The following C10orf88 variants were observed in gnomAD, a reference collection of about 807,000 sequenced individuals.
The protein encoded by C10orf88 is ATPase PAAT.
C10orf88 carries 29 observed loss-of-function variants against 34.2 expected under a neutral mutation model. The ratio of observed to expected loss-of-function variants is 0.85; its 90% confidence interval spans 0.63 to 1.16. The LOEUF (loss-of-function observed/expected upper bound fraction) is 1.16, where lower values mean the gene tolerates loss of function less well. Ranked by LOEUF, C10orf88 falls within the 50% of genes most tolerant of loss-of-function variation. The pLI is 0.00. For synonymous variants in C10orf88, 194 were observed against 197.4 expected (o/e 0.98, Z 0.15); for missense variants, 507 against 533.2 (o/e 0.95, Z 0.48).
At chr10:122,953,081 T>C (rs1173788484) in intron 1 of C10orf88, 49 bp from the exon 2 acceptor site, 7 of 1,442,994 alleles carry the variant, frequency 4.9e-6, no homozygotes, top group Admixed American at 1.8e-5. Flanking sequence ...TCTCTGAACA[T>C]GACTCTTCTT....
chr10:122,948,575 A>C (rs1848660802), intron 4 of C10orf88, 74 bp downstream of exon 4: 3 of 1,400,016 alleles, frequency 2.1e-6, no homozygotes, highest in Non-Finnish European at 3.0e-6. Context: ...ATTTTAAGTC[A>C]CTACATTTCT....
At position 122,951,983 on chromosome 10, in the gene C10orf88, C is replaced by A. The variant is rs150582565; in HGVS notation, c.412G>T (p.Glu138Ter). The A allele has an allele frequency of 6.5e-7, 1 of 1,547,530 alleles. No individual in the cohort carries two copies. Among genetic ancestry groups the A allele is most frequent in the African/African-American group, 1.4e-5 (1 of 72,786 alleles). ...IILYKKNLKL[E>*]SSTHACKIKL... ...ATTTTACAAGCATGTGTGGAGGACT[C>A]CAATTTTAGATTTTTTTTATACAAA... Residue 138 changes from glutamate to a stop codon, truncating the protein, a stop_gained, in exon 3 of 6, where the codon GAG becomes TAG. Transcript: ENST00000481909. LOFTEE classifies it high-confidence loss of function.
intron 4 of C10orf88, 69 bp from the exon 5 acceptor site, chr10:122,938,228 T>C: frequency 3.2e-6 from 4 of 1,262,940 alleles, no homozygotes; most frequent in Admixed American, 2.2e-5. Context: ...GTAATTACTA[T>C]GAGTCAGGCA....
intron 3 of C10orf88, 30 bp downstream of exon 3, chr10:122,951,924 T>A (rs1025557967): frequency 1.3e-5 from 18 of 1,373,672 alleles, no homozygotes; most frequent in Non-Finnish European, 1.5e-5. Flanking sequence ...ACAACTTAGT[T>A]GTCAAATTAG....
At chr10:122,941,553 G>A (rs578188353) in intron 4 of C10orf88, among the ~76,000 whole-genome samples, 1 of 152,082 alleles carries the variant, frequency 6.6e-6, no homozygotes, top group Non-Finnish European at 1.5e-5. Context: ...ATTTGGTCAT[G>A]AAACATTCCC....
Position 122,931,363 on chromosome 10 carries a change from C to G in C10orf88, c.*1064G>C, listed in dbSNP as rs185658564. On this transcript the variant is annotated 3_prime_UTR_variant, in exon 6 of 6. Transcript: ENST00000481909. Reference sequence around the variant, plus strand: ...GCAGGGTAAAAATTCAGCTATGTCACGCAGGAATTACATCAGGTAACATTT... The same window carrying G: ...GCAGGGTAAAAATTCAGCTATGTCAGGCAGGAATTACATCAGGTAACATTT... 2.0e-5 allele frequency: 3 copies of G among 151,936 alleles called. No homozygotes were observed. Among genetic ancestry groups the G allele is most frequent in the African/African-American group, 7.3e-5 (3 of 41,338 alleles). 9.4% of individuals were successfully genotyped at this position (151,936 alleles called of 1,614,324 possible). A position where few individuals can be genotyped will look rare whatever the true frequency, so the allele number is the denominator to read the frequency against.
At position 122,951,953 on chromosome 10, in the gene C10orf88, C is replaced by G. The variant is rs370703984; in HGVS notation, c.441+1G>C. 1.4e-5 allele frequency: 22 copies of G among 1,535,028 alleles called. No individual in the cohort carries two copies. Among genetic ancestry groups the G allele is most frequent in the Non-Finnish European group, 1.9e-5 (21 of 1,116,420 alleles). On this transcript the variant is annotated splice_donor_variant, in intron 3 of 5. Coordinates refer to ENST00000481909, the MANE Select transcript of C10orf88 (RefSeq NM_024942.4). LOFTEE classifies it high-confidence loss of function. ...AAATTAGTTTACAACTGACAACTTACCTTTATTTTACAAGCATGTGTGGAG... is the reference window on the plus strand; with the variant it reads ...AAATTAGTTTACAACTGACAACTTAGCTTTATTTTACAAGCATGTGTGGAG...
rs192031607 is a variant in C10orf88 at position 122,944,984 on chromosome 10, G to A, written c.648+3665C>T. Among the ~76,000 whole-genome samples the A allele has an allele frequency of 3.5e-3, 418 of 119,166 alleles. 2 individuals carry two copies. Among genetic ancestry groups the A allele is most frequent in the African/African-American group, 0.012 (395 of 32,914 alleles). The allele number at this position is 119,166 out of a possible 152,430, so 78.2% of individuals were successfully genotyped here. On this transcript the variant is annotated intron_variant, in intron 4 of 5. Coordinates refer to ENST00000481909, the MANE Select transcript of C10orf88 (RefSeq NM_024942.4). ...TAGCTGATCAATCCAATAGGTGTGT[G>A]TGTATATATATGTGTATATATATAT...
chr10:122,952,722 C>G lies in C10orf88; in HGVS notation c.368+107G>C, dbSNP rs936982219. ...CTACTGGCACATTTTTATCTTCTCT[C>G]CCATAACATATGGTATCAATATCAG... On this transcript the variant is annotated intron_variant, in intron 2 of 5. Coordinates refer to ENST00000481909, the MANE Select transcript of C10orf88 (RefSeq NM_024942.4). 2.4e-5 allele frequency: 33 copies of G among 1,357,878 alleles called. No homozygotes were observed. In the African/African-American group the frequency reaches 4.5e-4, roughly 19 times the overall value. The allele number at this position is 1,357,878 out of a possible 1,614,324, so 84.1% of individuals were successfully genotyped here. A position where few individuals can be genotyped will look rare whatever the true frequency, so the allele number is the denominator to read the frequency against.
intron 3 of C10orf88, among the ~76,000 whole-genome samples, chr10:122,950,739 C>A (rs1019807956): frequency 6.6e-6 from 1 of 152,064 alleles, no homozygotes; most frequent in African/African-American, 2.4e-5. Flanking sequence ...ATTGCTAATT[C>A]CTAAATGACT....
chr10:122,933,840 C>T (rs571782630), intron 5 of C10orf88, among the ~76,000 whole-genome samples: 221 of 152,220 alleles, frequency 1.5e-3, no homozygotes, highest in Middle Eastern at 3.4e-3. Context: ...TGTATAGATT[C>T]ATGTACATTT....
rs1432338098 is a variant in C10orf88, at chr10:122,934,548, A to G, written c.1104-1887T>C. On this transcript the variant is annotated intron_variant, in intron 5 of 5. Transcript: ENST00000481909. ...GCACTGCGTGATATGGAGGTACCAT[A>G]GTTTAACCATTCACCTATTGCTAAG... Among the ~76,000 whole-genome samples the G allele has an allele frequency of 4.6e-5, 7 of 152,152 alleles. No homozygotes were observed. In the East Asian group the frequency reaches 1.3e-3, roughly 29 times the overall value.
chr10:122,934,577 T>A (rs1360313205), intron 5 of C10orf88, among the ~76,000 whole-genome samples: 1 of 152,148 alleles, frequency 6.6e-6, no homozygotes, highest in Non-Finnish European at 1.5e-5. Context: ...TGCTAAGACA[T>A]TTTAGTTGGG....
intron 4 of C10orf88, among the ~76,000 whole-genome samples, chr10:122,941,744 C>A (rs892997850): frequency 4.6e-5 from 7 of 152,104 alleles, no homozygotes; most frequent in African/African-American, 1.7e-4. Context: ...TTTAAAAGGA[C>A]ACAGAACTGT....
chr10:122,948,031 A>C (rs1474672315), intron 4 of C10orf88, among the ~76,000 whole-genome samples: 2 of 152,144 alleles, frequency 1.3e-5, no homozygotes, highest in African/African-American at 4.8e-5. Context: ...AATTTCTTGA[A>C]ACATAAGTCA....
intron 4 of C10orf88, among the ~76,000 whole-genome samples, chr10:122,944,402 C>A (rs1848616775): frequency 6.7e-6 from 1 of 149,212 alleles, no homozygotes; most frequent in Non-Finnish European, 1.5e-5. Context: ...GGAGGGATAG[C>A]ATTGGGAGAT....
chr10:122,948,804 G>A lies in C10orf88; in HGVS notation c.493C>T (p.His165Tyr), dbSNP rs1848663956. Residue 165 changes from histidine (H) to tyrosine (Y), a missense_variant, in exon 4 of 6, where the codon CAC becomes TAC. Coordinates refer to ENST00000481909, the MANE Select transcript of C10orf88 (RefSeq NM_024942.4). ...GAATTTGCAAAAACTGATCTCATGTGTACCACAACTTTACTGATGAACACA... is the reference window on the plus strand; with the variant it reads ...GAATTTGCAAAAACTGATCTCATGTATACCACAACTTTACTGATGAACACA... The part of the protein sequence containing the change: ...QCVFISKVVV[H>Y]MRSVFANSST... The A allele has an allele frequency of 6.2e-7, 1 of 1,613,540 alleles. No homozygotes were observed. Among genetic ancestry groups the A allele is most frequent in the Non-Finnish European group, 8.5e-7 (1 of 1,179,886 alleles).
In C10orf88 at chr10:122,932,364, TGGG is replaced by T; in HGVS notation, c.*60_*62del. On this transcript the variant is annotated 3_prime_UTR_variant, in exon 6 of 6. Transcript: ENST00000481909. ...AATACTTGCTTTTTATAAATATTTT[TGGG>T]TTTTGGCTTTGTAATAAATATGTAA... 1 of 1,303,492 alleles carries T rather than the reference TGGG, an allele frequency of 7.7e-7. No homozygotes were observed. The highest frequency in any genetic ancestry group is 1.1e-6 in the Non-Finnish European group (1 of 937,750). The allele number at this position is 1,303,492 out of a possible 1,614,324, so 80.7% of individuals were successfully genotyped here.
intron 4 of C10orf88, among the ~76,000 whole-genome samples, chr10:122,944,913 A>C (rs1316774421): frequency 6.6e-6 from 1 of 151,760 alleles, no homozygotes; most frequent in Non-Finnish European, 1.5e-5. Context: ...AATTTGGTTT[A>C]CATCTCATCA....
Sources: allele counts gnomAD v4.1 joint callset (sites outside exome capture counted in the v4.1 genomes callset), GRCh38; gene constraint gnomAD v4.1.1; transcripts MANE v1.5; gene names NCBI Gene and HGNC (gene_info 2026-07-23, HGNC 2026-07-21).